Variants in CHODL observed in about 807,000 individuals in gnomAD.
CHODL encodes chondrolectin.
In CHODL, 29 loss-of-function variants were observed where a neutral mutation model predicts 34.5. That is an observed-to-expected ratio of 0.84 (90% confidence interval 0.63 to 1.15). The LOEUF (loss-of-function observed/expected upper bound fraction) is 1.15. Ranked by LOEUF, CHODL falls within the 50% of genes most tolerant of loss-of-function variation. The pLI is 0.00. For synonymous variants in CHODL, 125 were observed against 116.1 expected (o/e 1.08, Z -0.49); for missense variants, 332 against 332.5 (o/e 1.00, Z 0.01).
At chr21:18,122,184 CT>C (rs2065487986) in intron 2 of CHODL, among the ~76,000 whole-genome samples, 2 of 141,954 alleles carry the variant, frequency 1.4e-5, no homozygotes, top group South Asian at 2.3e-4. Context: ...AATGATTATG[CT>C]TTTTCATTTT....
chr21:17,990,035 A>G (rs2063784633), intron 1 of CHODL, among the ~76,000 whole-genome samples: 1 of 152,080 alleles, frequency 6.6e-6, no homozygotes, highest in Non-Finnish European at 1.5e-5. Flanking sequence ...CCCTGCTGAG[A>G]AGAATAATAA....
chr21:18,076,630 G>A (rs1334973186), intron 2 of CHODL, among the ~76,000 whole-genome samples: 1 of 152,202 alleles, frequency 6.6e-6, no homozygotes, highest in African/African-American at 2.4e-5. Context: ...CACAAAGGAT[G>A]TGGTCAAGAT....
chr21:18,176,600 T>C (rs550992744), intron 2 of CHODL, among the ~76,000 whole-genome samples: 12 of 152,190 alleles, frequency 7.9e-5, no homozygotes, highest in Admixed American at 2.6e-4. Flanking sequence ...AGCTTGTTTA[T>C]CTAATGCTAT....
At chr21:18,074,607 G>C (rs182644390) in intron 2 of CHODL, among the ~76,000 whole-genome samples, 1 of 152,150 alleles carries the variant, frequency 6.6e-6, no homozygotes, top group Admixed American at 6.6e-5. Context: ...AGGAACTTGT[G>C]GTGGGCTGTC....
intron 2 of CHODL, among the ~76,000 whole-genome samples, chr21:18,201,349 T>C (rs1039167487): frequency 7.9e-5 from 12 of 152,264 alleles, no homozygotes. Flanking sequence ...TAAACTCTTA[T>C]ATGGTACAAA....
At chr21:18,121,436 A>G (rs972587621) in intron 2 of CHODL, among the ~76,000 whole-genome samples, 4 of 152,172 alleles carry the variant, frequency 2.6e-5, no homozygotes, top group African/African-American at 9.6e-5. Flanking sequence ...ACAATTCCAG[A>G]CTTATAGAGC....
intron 2 of CHODL, among the ~76,000 whole-genome samples, chr21:18,174,740 G>C (rs1466971356): frequency 6.6e-6 from 1 of 152,108 alleles, no homozygotes; most frequent in African/African-American, 2.4e-5. Context: ...TGTCAGGCCT[G>C]GACAAGGATA....
intron 1 of CHODL, among the ~76,000 whole-genome samples, chr21:17,976,448 T>A (rs2063663899): frequency 6.6e-6 from 1 of 152,140 alleles, no homozygotes; most frequent in Admixed American, 6.6e-5. Flanking sequence ...ATAATACTTA[T>A]ATTCACCATT....
intron 5 of CHODL, 31 bp from the exon 6 acceptor site, chr21:18,265,923 G>A (rs562049690): frequency 1.3e-6 from 2 of 1,582,262 alleles, no homozygotes; most frequent in East Asian, 4.5e-5. Flanking sequence ...AGAAATTTTA[G>A]GCACTAAACA....
intron 2 of CHODL, among the ~76,000 whole-genome samples, chr21:18,056,488 T>C (rs2064582029): frequency 6.6e-6 from 1 of 151,478 alleles, no homozygotes; most frequent in East Asian, 1.9e-4. Context: ...TTTTTTTTTT[T>C]TGTGGTGAGT....
At chr21:18,038,894 A>C (rs575056700) in intron 2 of CHODL, among the ~76,000 whole-genome samples, 1 of 151,760 alleles carries the variant, frequency 6.6e-6, no homozygotes, top group East Asian at 2.0e-4. Context: ...TTACATGTAG[A>C]ATTTTTGAAT....
intron 2 of CHODL, among the ~76,000 whole-genome samples, chr21:18,103,650 G>A (rs117779967): frequency 0.011 from 1,690 of 152,248 alleles, 15 homozygotes; most frequent in Non-Finnish European, 0.017. Flanking sequence ...TGTGTCTGGA[G>A]CCATGGTGGA....
At chr21:17,953,129 T>C (rs1255336383) in intron 1 of CHODL, among the ~76,000 whole-genome samples, 1 of 152,068 alleles carries the variant, frequency 6.6e-6, no homozygotes, top group Non-Finnish European at 1.5e-5. Flanking sequence ...TAATATAAGA[T>C]TTACATACTG....
At chr21:18,250,588 A>AC in intron 1 of CHODL, among the ~76,000 whole-genome samples, 1 of 152,074 alleles carries the variant, frequency 6.6e-6, no homozygotes, top group East Asian at 1.9e-4. Flanking sequence ...TATAAGAAAA[A>AC]ATTTTAAGAA....
intron 1 of CHODL, among the ~76,000 whole-genome samples, chr21:18,249,092 T>C (rs561044098): frequency 9.0e-6 from 1 of 111,620 alleles, no homozygotes; most frequent in Non-Finnish European, 1.6e-5. Flanking sequence ...TATAATAAAA[T>C]ATATATATAT....
chr21:18,152,819 A>G (rs984746430), intron 2 of CHODL, among the ~76,000 whole-genome samples: 1 of 152,216 alleles, frequency 6.6e-6, no homozygotes, highest in Non-Finnish European at 1.5e-5. Context: ...TGCCCACTAT[A>G]TGAACATAGC....
chr21:17,938,493 T>TTTTTTTG (rs1568806953), intron 1 of CHODL, among the ~76,000 whole-genome samples: 4 of 54,032 alleles, frequency 7.4e-5, no homozygotes, highest in Non-Finnish European at 1.2e-4. Context: ...TTTTTTTTTT[T>TTTTTTTG]AAGGAAAGGG....
At chr21:17,987,085 G>A (rs967774333) in intron 1 of CHODL, among the ~76,000 whole-genome samples, 9 of 152,172 alleles carry the variant, frequency 5.9e-5, no homozygotes, top group African/African-American at 1.9e-4. Context: ...GGTTTGTCCT[G>A]CCTGGTTCTA....
chr21:18,252,496 A>T (rs918908452), intron 1 of CHODL, among the ~76,000 whole-genome samples: 1 of 152,124 alleles, frequency 6.6e-6, no homozygotes, highest in African/African-American at 2.4e-5. Flanking sequence ...GTTTCACTGC[A>T]TTAGTAGCCA....
Sources: allele counts gnomAD v4.1 joint callset (sites outside exome capture counted in the v4.1 genomes callset), GRCh38; gene constraint gnomAD v4.1.1; transcripts MANE v1.5; gene names NCBI Gene and HGNC (gene_info 2026-07-23, HGNC 2026-07-21).